THRB: variants seen among roughly 807,000 people sequenced by gnomAD.
The protein encoded by THRB is nuclear receptor subfamily 1 group A member 2.
A neutral mutation model predicts 47.8 loss-of-function variants in THRB; 12 were observed. The observed-to-expected ratio is 0.25, with a 90% CI of 0.16 to 0.41. The LOEUF (loss-of-function observed/expected upper bound fraction) is 0.41. Among genes scored for constraint, THRB ranks in the 10% least tolerant of loss-of-function variants. The pLI is 1.00. For synonymous variants in THRB, 218 were observed against 212.2 expected, an observed-to-expected ratio of 1.03 and a Z score of -0.24; for missense variants, 348 against 589.2, an observed-to-expected ratio of 0.59 and a Z score of 4.24.
In THRB at chr3:24,215,730, C is replaced by A. The variant is rs555312871; in HGVS notation, c.22+13208G>T. Among the ~76,000 whole-genome samples the A allele has an allele frequency of 5.9e-5, 9 of 152,348 alleles. No homozygotes were observed. In the South Asian group the frequency reaches 1.9e-3, roughly 32 times the overall value. On this transcript the variant is annotated intron_variant, in intron 4 of 10. Coordinates refer to ENST00000646209, the MANE Select transcript of THRB (RefSeq NM_001354712.2). ...CCAGCAACCTTGCAGTGAGACACGG[C>A]CATGTGACTGAGGTCTAGCCAATAG...
intron 4 of THRB, among the ~76,000 whole-genome samples, chr3:24,204,286 G>C (rs1011117955): frequency 4.6e-5 from 7 of 152,226 alleles, no homozygotes; most frequent in Admixed American, 6.5e-5. Context: ...ACATGGCTGG[G>C]TAACCCTCTA....
intron 1 of THRB, among the ~76,000 whole-genome samples, chr3:24,384,540 A>G (rs1430459387): frequency 4.6e-5 from 7 of 152,068 alleles, no homozygotes; most frequent in Non-Finnish European, 2.9e-5. Context: ...AAAATCTATG[A>G]CCACCTTTAG....
chr3:24,475,084 T>A (rs1481638350), intron 1 of THRB, among the ~76,000 whole-genome samples: 1 of 152,212 alleles, frequency 6.6e-6, no homozygotes, highest in Non-Finnish European at 1.5e-5. Flanking sequence ...AAATTCTTCA[T>A]GTTCTAATTA....
In THRB at chr3:24,173,460, T is replaced by C. The variant is rs62255848; in HGVS notation, c.283+16614A>G. 4.6e-3 allele frequency among the ~76,000 whole-genome samples: 697 copies of C among 152,308 alleles called. 3 individuals are homozygous for C. The highest frequency in any genetic ancestry group is 0.013 in the East Asian group (67 of 5,190). On this transcript the variant is annotated intron_variant, in intron 5 of 10. Coordinates refer to ENST00000646209, the MANE Select transcript of THRB (RefSeq NM_001354712.2). ...ACTTTGAGTTTTGGTGACCATGCACTACCAGTACCATAATACACAACAAAC... is the reference window on the plus strand; with the variant it reads ...ACTTTGAGTTTTGGTGACCATGCACCACCAGTACCATAATACACAACAAAC...
intron 3 of THRB, among the ~76,000 whole-genome samples, chr3:24,276,269 G>C (rs1244131603): frequency 6.6e-6 from 1 of 152,074 alleles, no homozygotes; most frequent in Non-Finnish European, 1.5e-5. Flanking sequence ...TGAACTTTTA[G>C]GTAACTCATC....
intron 4 of THRB, among the ~76,000 whole-genome samples, chr3:24,197,156 C>T (rs1192096099): frequency 6.6e-6 from 1 of 152,180 alleles, no homozygotes; most frequent in Non-Finnish European, 1.5e-5. Flanking sequence ...TTTGCAAACA[C>T]AAAACTATTT....
At chr3:24,152,914 A>G (rs1384370704) in intron 5 of THRB, among the ~76,000 whole-genome samples, 1 of 151,238 alleles carries the variant, frequency 6.6e-6, no homozygotes, top group Non-Finnish European at 1.5e-5. Context: ...GTGAGCTGAG[A>G]TTGTGCCACT....
intron 3 of THRB, among the ~76,000 whole-genome samples, chr3:24,289,805 C>G (rs1339351280): frequency 6.6e-6 from 1 of 152,180 alleles, no homozygotes; most frequent in African/African-American, 2.4e-5. Context: ...TCCCTACTTA[C>G]TGACATGACT....
chr3:24,289,609 TA>T (rs1222632396), intron 3 of THRB, among the ~76,000 whole-genome samples: 1 of 152,196 alleles, frequency 6.6e-6, no homozygotes, highest in African/African-American at 2.4e-5. Flanking sequence ...ACGTGAAAAT[TA>T]AAATACCACT....
chr3:24,466,059 T>C (rs1278090104), intron 1 of THRB, among the ~76,000 whole-genome samples: 2 of 152,188 alleles, frequency 1.3e-5, no homozygotes, highest in Non-Finnish European at 2.9e-5. Context: ...TTAGGCATTA[T>C]CTATTTACTC....
intron 1 of THRB, among the ~76,000 whole-genome samples, chr3:24,413,512 T>C (rs2068482622): frequency 6.6e-6 from 1 of 151,878 alleles, no homozygotes; most frequent in Non-Finnish European, 1.5e-5. Flanking sequence ...ACAGTCTTAA[T>C]ATTCACAATT....
intron 3 of THRB, among the ~76,000 whole-genome samples, chr3:24,259,903 T>C (rs1437505032): frequency 1.3e-5 from 2 of 152,170 alleles, no homozygotes; most frequent in Non-Finnish European, 2.9e-5. Context: ...TATTGAGATA[T>C]GATTCCCATA....
intron 3 of THRB, among the ~76,000 whole-genome samples, chr3:24,229,304 C>T (rs1214046143): frequency 1.3e-5 from 2 of 152,128 alleles, no homozygotes; most frequent in African/African-American, 2.4e-5. Flanking sequence ...CTGTTTATCC[C>T]AAGAGTGGCT....
rs143206672 is a variant in THRB at position 24,470,108 on chromosome 3, C to T, written c.-261+24544G>A. On this transcript the variant is annotated intron_variant, in intron 1 of 10. Transcript: ENST00000646209. ...TCCCATCACTGATAGGTTTTGTTAC[C>T]CTTGAGTCATGTGACTCACACTAAC... Among the ~76,000 whole-genome samples the T allele has an allele frequency of 2.4e-3, 361 of 152,254 alleles. 1 individual carries two copies. The highest frequency in any genetic ancestry group is 2.7e-3 in the Non-Finnish European group (186 of 68,024).
At chr3:24,336,157 T>G (rs2062235163) in intron 2 of THRB, among the ~76,000 whole-genome samples, 1 of 152,242 alleles carries the variant, frequency 6.6e-6, no homozygotes, top group Admixed American at 6.5e-5. Flanking sequence ...TTTTTTGATA[T>G]GAGAACTATG....
At chr3:24,207,133 T>A (rs901001823) in intron 4 of THRB, among the ~76,000 whole-genome samples, 47 of 152,312 alleles carry the variant, frequency 3.1e-4, no homozygotes, top group African/African-American at 1.1e-3. Flanking sequence ...GAATCCTCCC[T>A]AACTTATTTT....
rs566916168 is a variant in THRB, at chr3:24,370,838, G to A, written c.-260-33467C>T. Among the ~76,000 whole-genome samples, 4 of 152,168 alleles carry A rather than the reference G, an allele frequency of 2.6e-5. No homozygotes were observed. In the South Asian group the frequency reaches 8.3e-4, roughly 32 times the overall value. ...ACTCTGGCTCCAGCTTCACTACAAT[G>A]GCATTGCTGGTCAAGATCCCAACTG... is the stretch of plus-strand genomic sequence containing the variant. On this transcript the variant is annotated intron_variant, in intron 1 of 10. Coordinates refer to ENST00000646209, the MANE Select transcript of THRB (RefSeq NM_001354712.2).
intron 3 of THRB, among the ~76,000 whole-genome samples, chr3:24,233,465 GGAAA>G (rs2048448070): frequency 1.6e-5 from 2 of 128,768 alleles, no homozygotes; most frequent in South Asian, 2.5e-4. Flanking sequence ...TCAAAAAAAA[GGAAA>G]GAAAGAAATA....
chr3:24,343,909 T>G (rs1415182517), intron 1 of THRB, among the ~76,000 whole-genome samples: 2 of 144,504 alleles, frequency 1.4e-5, no homozygotes, highest in African/African-American at 5.3e-5. Flanking sequence ...ATATATATAT[T>G]TATTTATATA....
Sources: allele counts gnomAD v4.1 joint callset (sites outside exome capture counted in the v4.1 genomes callset), GRCh38; gene constraint gnomAD v4.1.1; transcripts MANE v1.5; gene names NCBI Gene and HGNC (gene_info 2026-07-23, HGNC 2026-07-21).